The following SLC25A21 variants were observed in gnomAD, a reference collection of about 807,000 sequenced individuals.
SLC25A21 encodes the protein mitochondrial 2-oxodicarboxylate carrier.
In SLC25A21, 47 loss-of-function variants were observed where a neutral mutation model predicts 43.8. The observed-to-expected ratio is 1.07, with a 90% CI of 0.85 to 1.37. The LOEUF (loss-of-function observed/expected upper bound fraction) is 1.37, where lower values mean the gene tolerates loss of function less well. Ranked by LOEUF, SLC25A21 falls within the 40% of genes most tolerant of loss-of-function variation. The pLI is 0.00. For missense variants in SLC25A21, 352 were observed against 350.2 expected, an observed-to-expected ratio of 1.00 and a Z score of -0.04; for synonymous variants, 131 against 121.3, an observed-to-expected ratio of 1.08 and a Z score of -0.52.
Position 36,863,958 on chromosome 14 carries a change from C to G in SLC25A21, c.119+10998G>C, listed in dbSNP as rs187192129. ...GAGCTTTCCAGAGTTTGGCTACAACCCTTGCTAGCCCAAAGAGAGGTGGAA... is the reference window on the plus strand; with the variant it reads ...GAGCTTTCCAGAGTTTGGCTACAACGCTTGCTAGCCCAAAGAGAGGTGGAA... On this transcript the variant is annotated intron_variant, in intron 2 of 9. Transcript: ENST00000331299. 2.6e-3 allele frequency among the ~76,000 whole-genome samples: 390 copies of G among 152,284 alleles called. 1 individual carries two copies. The highest frequency in any genetic ancestry group is 8.8e-3 in the African/African-American group (367 of 41,562).
At position 36,711,436 on chromosome 14, in the gene SLC25A21, C is replaced by A; in HGVS notation, c.485G>T (p.Gly162Val). 6 of 1,614,122 alleles carry A rather than the reference C, an allele frequency of 3.7e-6. No homozygotes were observed. Among genetic ancestry groups the A allele is most frequent in the Non-Finnish European group, 5.1e-6 (6 of 1,179,998 alleles). ...GYARQIIKKE[G>V]WGLQGLNKGL... ...TTTGTTGAGGCCCTGGAGTCCCCAG[C>A]CTTCCTTCTTAATGATTTGTCTTGC... Residue 162 changes from glycine (G) to valine (V), a missense_variant, in exon 7 of 10, where the codon GGC (glycine) becomes GTC (valine). Gly to Val is a moderately radical substitution (Grantham distance 109, BLOSUM62 -3). Transcript: ENST00000331299.
chr14:37,007,286 TG>T, intron 1 of SLC25A21, among the ~76,000 whole-genome samples: 1 of 152,290 alleles, frequency 6.6e-6, no homozygotes, highest in Non-Finnish European at 1.5e-5. Context: ...TCTGATAGCC[TG>T]GAACTTATAT....
chr14:37,122,985 T>C (rs1393107325), intron 1 of SLC25A21, among the ~76,000 whole-genome samples: 1 of 152,228 alleles, frequency 6.6e-6, no homozygotes. Flanking sequence ...AAATAGATAC[T>C]TGCTTCTCAA....
Position 36,678,655 on chromosome 14 carries a change from T to TA in SLC25A21, c.*2002dup, listed in dbSNP as rs33991803. 2 of 1,257,440 alleles carry TA rather than the reference T, an allele frequency of 1.6e-6. No homozygotes were observed. Among genetic ancestry groups the TA allele is most frequent in the Non-Finnish European group, 2.0e-6 (2 of 1,001,156 alleles). 77.9% of individuals were successfully genotyped at this position (1,257,440 alleles called of 1,614,324 possible). On this transcript the variant is annotated 3_prime_UTR_variant, in exon 10 of 10. Coordinates refer to ENST00000331299, the MANE Select transcript of SLC25A21 (RefSeq NM_030631.4). ...TTTTTAGGTGGCTGTTAGGGGGCTTTAAAAAATATTACTTGCTTGTGTGGA... is the reference window on the plus strand; with the variant it reads ...TTTTTAGGTGGCTGTTAGGGGGCTTTAAAAAAATATTACTTGCTTGTGTGGA...
chr14:36,790,591 C>T (rs1257860518), intron 3 of SLC25A21, among the ~76,000 whole-genome samples: 1 of 152,126 alleles, frequency 6.6e-6, no homozygotes, highest in African/African-American at 2.4e-5. Context: ...TTAAACAGTT[C>T]TCCCAATTCA....
intron 1 of SLC25A21, among the ~76,000 whole-genome samples, chr14:36,883,532 CCTGT>C (rs768788426): frequency 3.3e-5 from 5 of 152,116 alleles, no homozygotes; most frequent in Non-Finnish European, 5.9e-5. Context: ...TTTATTGTTT[CCTGT>C]CTGTCTCTTC....
rs767981826 is a variant in SLC25A21 at position 36,857,453 on chromosome 14, C to T, written c.119+17503G>A. Reference sequence around the variant, plus strand: ...CTCAAGGCACACATTGGGGGCCAGGCGTAAATATGGAGAAAACTTGCTGAG... The same window carrying T: ...CTCAAGGCACACATTGGGGGCCAGGTGTAAATATGGAGAAAACTTGCTGAG... On this transcript the variant is annotated intron_variant, in intron 2 of 9. Coordinates refer to ENST00000331299, the MANE Select transcript of SLC25A21 (RefSeq NM_030631.4). Among the ~76,000 whole-genome samples the T allele has an allele frequency of 5.9e-5, 9 of 152,190 alleles. No individual in the cohort carries two copies. The South Asian group carries it at 6.2e-4, about 11-fold the overall frequency.
chr14:37,056,470 G>A (rs1370800105), intron 1 of SLC25A21, among the ~76,000 whole-genome samples: 2 of 146,548 alleles, frequency 1.4e-5, no homozygotes, highest in African/African-American at 2.5e-5. Flanking sequence ...CAGCCTGGGC[G>A]ACAGCGAGAC....
chr14:36,815,437 G>A (rs888261308), intron 2 of SLC25A21, among the ~76,000 whole-genome samples: 1 of 152,038 alleles, frequency 6.6e-6, no homozygotes, highest in Non-Finnish European at 1.5e-5. Context: ...CAAGAGGTGG[G>A]GTTGTATATT....
chr14:36,742,668 T>C (rs919526901), intron 3 of SLC25A21, among the ~76,000 whole-genome samples: 15 of 152,174 alleles, frequency 9.9e-5, no homozygotes, highest in Non-Finnish European at 1.9e-4. Context: ...GATTCTTCTT[T>C]TAAAAGCAGC....
chr14:37,085,740 T>G (rs748949491), intron 1 of SLC25A21, among the ~76,000 whole-genome samples: 12 of 152,174 alleles, frequency 7.9e-5, no homozygotes, highest in Non-Finnish European at 1.3e-4. Context: ...TCCAGTCTAG[T>G]GATAAAAACC....
intron 1 of SLC25A21, among the ~76,000 whole-genome samples, chr14:37,166,578 T>A (rs534320490): frequency 6.6e-6 from 1 of 152,254 alleles, no homozygotes; most frequent in African/African-American, 2.4e-5. Context: ...TGTTAACACA[T>A]GTAAAGCTTA....
At chr14:36,767,036 T>C (rs1886442752) in intron 3 of SLC25A21, among the ~76,000 whole-genome samples, 1 of 152,222 alleles carries the variant, frequency 6.6e-6, no homozygotes, top group African/African-American at 2.4e-5. Context: ...TACAAACAAT[T>C]ATGACATAAT....
intron 1 of SLC25A21, among the ~76,000 whole-genome samples, chr14:36,951,210 T>G (rs1011953429): frequency 6.9e-6 from 1 of 144,614 alleles, no homozygotes; most frequent in Admixed American, 7.1e-5. Flanking sequence ...AGTTTAACAA[T>G]AGTTTGCCTT....
At chr14:36,696,455 A>G (rs1883028665) in intron 7 of SLC25A21, among the ~76,000 whole-genome samples, 1 of 151,758 alleles carries the variant, frequency 6.6e-6, no homozygotes, top group Non-Finnish European at 1.5e-5. Context: ...CTCTTTTTCT[A>G]TTGATTGGAA....
At chr14:36,941,137 A>G (rs182986493) in intron 1 of SLC25A21, among the ~76,000 whole-genome samples, 3 of 152,208 alleles carry the variant, frequency 2.0e-5, no homozygotes, top group African/African-American at 7.2e-5. Flanking sequence ...TTAGTATCAA[A>G]CCAAACTCCG....
chr14:36,684,814 G>A lies in SLC25A21; in HGVS notation c.715C>T (p.Gln239Ter), dbSNP rs1392329350. Residue 239 changes from glutamine (Q) to a stop codon, truncating the protein, a stop_gained, in exon 8 of 10, where the codon CAA (glutamine) becomes TAA (stop). Transcript: ENST00000331299. LOFTEE classifies it high-confidence loss of function. ...DVAKSRIQGPQPVPGEIKYRT... is the reference protein window; with the variant it reads ...DVAKSRIQGP ...TACTTGATCTCTCCAGGAACTGGTTGAGGCCCTTGAATCCTACTTTTGGCA... is the reference window on the plus strand; with the variant it reads ...TACTTGATCTCTCCAGGAACTGGTTAAGGCCCTTGAATCCTACTTTTGGCA... The A allele has an allele frequency of 1.2e-6, 2 of 1,614,110 alleles. No individual in the cohort carries two copies. The highest frequency in any genetic ancestry group is 2.2e-5 in the South Asian group (2 of 91,064).
chr14:36,791,756 G>A (rs1887492493), intron 3 of SLC25A21, among the ~76,000 whole-genome samples: 2 of 152,114 alleles, frequency 1.3e-5, no homozygotes, highest in Admixed American at 1.3e-4. Flanking sequence ...ACCCCGCTTT[G>A]CTCTCCAACA....
At chr14:36,864,010 T>C (rs933974258) in intron 2 of SLC25A21, among the ~76,000 whole-genome samples, 15 of 152,300 alleles carry the variant, frequency 9.8e-5, no homozygotes, top group African/African-American at 3.1e-4. Context: ...ATCTCAGAAG[T>C]AATACCAATG....
Sources: gnomAD v4.1 joint callset for allele counts (sites outside exome capture counted in the v4.1 genomes callset) on GRCh38, gnomAD v4.1.1 for gene constraint, MANE v1.5 for transcripts, NCBI Gene and HGNC (gene_info 2026-07-23, HGNC 2026-07-21) for gene names.